The following DSN1 variants were observed in gnomAD, a reference collection of about 807,000 sequenced individuals.
DSN1 encodes DSN1 component of MIS12 kinetochore complex, also known as kinetochore-associated protein DSN1 homolog.
Under a neutral mutation model 45.7 loss-of-function variants are expected in DSN1, and 31 were observed. The observed-to-expected ratio is 0.68, with a 90% CI of 0.51 to 0.92. The LOEUF (loss-of-function observed/expected upper bound fraction) is 0.92, where lower values mean the gene tolerates loss of function less well. DSN1 is among the 40% of genes least tolerant of loss of function. DSN1 has a pLI of 0.00. For missense variants in DSN1, 394 were observed against 414.2 expected, an observed-to-expected ratio of 0.95 and a Z score of 0.42; for synonymous variants, 134 against 142.3, an observed-to-expected ratio of 0.94 and a Z score of 0.41.
intron 3 of DSN1, among the ~76,000 whole-genome samples, chr20:36,768,248 A>G (rs1402296340): frequency 6.6e-6 from 1 of 152,286 alleles, no homozygotes; most frequent in African/African-American, 2.4e-5. Flanking sequence ...AAAAAAAGTT[A>G]TAAGAATCTT....
chr20:36,765,680 C>T (rs1469062646), intron 5 of DSN1, among the ~76,000 whole-genome samples: 1 of 151,742 alleles, frequency 6.6e-6, no homozygotes, highest in African/African-American at 2.4e-5. Flanking sequence ...CGCCTGTAGT[C>T]CCAGCTATTC....
chr20:36,755,150 G>A (rs1361602493), intron 9 of DSN1, among the ~76,000 whole-genome samples: 1 of 152,050 alleles, frequency 6.6e-6, no homozygotes, highest in Non-Finnish European at 1.5e-5. Context: ...TCTCCCATTA[G>A]ATGCCACAGT....
At chr20:36,755,649 A>G (rs754890661) in intron 9 of DSN1, 33 bp downstream of exon 9, 2 of 1,600,036 alleles carry the variant, frequency 1.2e-6, no homozygotes, top group Non-Finnish European at 1.7e-6. Flanking sequence ...GCAAAGCTGG[A>G]TAACTCAACT....
Position 36,770,865 on chromosome 20 carries a change from C to G in DSN1, c.355+8G>C, listed in dbSNP as rs747080007. ...GAACCTCACTGTCTTGTGTACACAGCACCCCACCTGTGATGCCCTGGTGAA... is the reference window on the plus strand; with the variant it reads ...GAACCTCACTGTCTTGTGTACACAGGACCCCACCTGTGATGCCCTGGTGAA... On this transcript the variant is annotated splice_region_variant and intron_variant, in intron 3 of 10. Transcript: ENST00000373750. The G allele has an allele frequency of 6.2e-7, 1 of 1,602,440 alleles. No individual in the cohort carries two copies. The highest frequency in any genetic ancestry group is 8.5e-7 in the Non-Finnish European group (1 of 1,176,212).
intron 10 of DSN1, 63 bp downstream of exon 10, chr20:36,754,700 T>G: frequency 7.0e-7 from 1 of 1,438,806 alleles, no homozygotes; most frequent in Non-Finnish European, 9.8e-7. Context: ...AAGGGCAGTT[T>G]GTATCCCAAA....
At chr20:36,761,513 C>T (rs1394362613) in intron 6 of DSN1, among the ~76,000 whole-genome samples, 2 of 151,662 alleles carry the variant, frequency 1.3e-5, no homozygotes, top group Admixed American at 6.6e-5. Context: ...GCAGGAGGAT[C>T]GCTTGAGCCC....
In DSN1 at chr20:36,773,694, G is replaced by A. The variant is rs1169988985; in HGVS notation, c.-48C>T. Reference sequence around the variant, plus strand: ...ACAAGGCCACGGGTCGCTCTCCACAGCCCCAGGTCACTCCTGGACGCCTTG... The same window carrying A: ...ACAAGGCCACGGGTCGCTCTCCACAACCCCAGGTCACTCCTGGACGCCTTG... On this transcript the variant is annotated 5_prime_UTR_variant, in exon 1 of 11. Coordinates refer to ENST00000373750, the MANE Select transcript of DSN1 (RefSeq NM_001145315.2). The A allele has an allele frequency of 1.6e-5, 16 of 985,590 alleles. No homozygotes were observed. The highest frequency in any genetic ancestry group is 6.1e-5 in the Admixed American group (1 of 16,278). 61.1% of individuals were successfully genotyped at this position (985,590 alleles called of 1,614,324 possible).
chr20:36,760,250 A>C (rs536871079), intron 6 of DSN1, among the ~76,000 whole-genome samples: 1 of 152,166 alleles, frequency 6.6e-6, no homozygotes, highest in South Asian at 2.1e-4. Context: ...CCTCAAAAAA[A>C]AACAAAAACA....
intron 8 of DSN1, among the ~76,000 whole-genome samples, chr20:36,756,049 C>T (rs1216317170): frequency 6.6e-6 from 1 of 151,932 alleles, no homozygotes; most frequent in Non-Finnish European, 1.5e-5. Context: ...TCTCAGGTCT[C>T]GGCTCACTGC....
Position 36,758,079 on chromosome 20 carries a change from G to C in DSN1, c.725+8C>G. The stretch of plus-strand genomic sequence containing the variant: ...TTTTAAAGAGTTTTTACAGTTCATA[G>C]ATCTAACCTGGACAATATCTCTTTA... On this transcript the variant is annotated splice_region_variant and intron_variant, in intron 8 of 10. Transcript: ENST00000373750. 6.2e-7 allele frequency: 1 copy of C among 1,612,824 alleles called. No homozygotes were observed. The highest frequency in any genetic ancestry group is 8.5e-7 in the Non-Finnish European group (1 of 1,179,082).
At chr20:36,769,621 C>T (rs574415151) in intron 3 of DSN1, among the ~76,000 whole-genome samples, 37 of 152,232 alleles carry the variant, frequency 2.4e-4, no homozygotes, top group Non-Finnish European at 4.1e-4. Context: ...TAAAACTAAT[C>T]ACAGTAGCTT....
chr20:36,757,659 A>G lies in DSN1; in HGVS notation c.725+428T>C, dbSNP rs946752362. Among the ~76,000 whole-genome samples the G allele has an allele frequency of 4.6e-5, 7 of 152,250 alleles. No homozygotes were observed. The East Asian group carries it at 5.8e-4, about 13-fold the overall frequency. On this transcript the variant is annotated intron_variant, in intron 8 of 10. Transcript: ENST00000373750. ...GACCCAAAGATCCTCTCTTTCCTCA[A>G]TCTTCCTCATCACCCACTTTCATGT... is the stretch of plus-strand genomic sequence containing the variant.
At chr20:36,765,690 C>T (rs1405161886) in intron 5 of DSN1, among the ~76,000 whole-genome samples, 4 of 138,536 alleles carry the variant, frequency 2.9e-5, no homozygotes, top group South Asian at 4.6e-4. Context: ...CCCAGCTATT[C>T]GGGAGGCTGA....
At chr20:36,757,233 G>GT (rs1410832874) in intron 8 of DSN1, among the ~76,000 whole-genome samples, 1 of 152,106 alleles carries the variant, frequency 6.6e-6, no homozygotes, top group East Asian at 1.9e-4. Context: ...GAGCATGCCT[G>GT]TAATCCCAGC....
chr20:36,771,027 G>A lies in DSN1; in HGVS notation c.201C>T (p.Leu67=). 6.2e-7 allele frequency: 1 copy of A among 1,614,192 alleles called. No individual in the cohort carries two copies. Among genetic ancestry groups the A allele is most frequent in the Non-Finnish European group, 8.5e-7 (1 of 1,180,050 alleles). The change falls in exon 3 of 11, where the codon CTC becomes CTT. Residue 67 remains leucine, a synonymous_variant. Transcript: ENST00000373750. Reference sequence around the variant, plus strand: ...TCGACTGAAGTCTTTCCTGGTGGCTGAGATCACAATTTCCCCCTTTTTTAG... The same window carrying A: ...TCGACTGAAGTCTTTCCTGGTGGCTAAGATCACAATTTCCCCCTTTTTTAG... The part of the protein sequence containing the change: ...SSPKKGGNCD[L]SHQERLQSKS...
chr20:36,754,871 T>A, intron 9 of DSN1, 21 bp from the exon 10 acceptor site: 1 of 1,604,836 alleles, frequency 6.2e-7, no homozygotes, highest in Non-Finnish European at 8.5e-7. Flanking sequence ...AAGACAGCTG[T>A]GAGCTGTAAA....
chr20:36,762,263 C>G (rs1987034378), intron 6 of DSN1, among the ~76,000 whole-genome samples, 198 bp downstream of exon 6: 1 of 151,476 alleles, frequency 6.6e-6, no homozygotes, highest in Non-Finnish European at 1.5e-5. Context: ...CCTGCCACCA[C>G]GCCTGGCTAA....
At chr20:36,768,889 A>G (rs931129974) in intron 3 of DSN1, among the ~76,000 whole-genome samples, 1 of 152,196 alleles carries the variant, frequency 6.6e-6, no homozygotes, top group Admixed American at 6.6e-5. Flanking sequence ...TTTTCCCTCT[A>G]TTACCACACT....
chr20:36,758,681 T>C, intron 6 of DSN1, 64 bp from the exon 7 acceptor site: 1 of 1,430,190 alleles, frequency 7.0e-7, no homozygotes, highest in South Asian at 1.2e-5. Flanking sequence ...TATAATCGCT[T>C]ATAAATTAGT....
Sources: gnomAD v4.1 joint callset for allele counts (sites outside exome capture counted in the v4.1 genomes callset) on GRCh38, gnomAD v4.1.1 for gene constraint, MANE v1.5 for transcripts, NCBI Gene and HGNC (gene_info 2026-07-23, HGNC 2026-07-21) for gene names.